The following RABGAP1L variants were observed in gnomAD, a reference collection of about 807,000 sequenced individuals.
RABGAP1L encodes the protein RAB GTPase activating protein 1 like, also known as rab GTPase-activating protein 1-like.
RABGAP1L carries 63 observed loss-of-function variants against 137.7 expected under a neutral mutation model. The ratio of observed to expected loss-of-function variants is 0.46; its 90% CI spans 0.37 to 0.56. RABGAP1L has a LOEUF of 0.56. Among genes scored for constraint, RABGAP1L ranks in the 20% least tolerant of loss-of-function variants. RABGAP1L has a pLI of 0.00. For missense variants in RABGAP1L, 1,095 were observed against 1,244.0 expected (o/e 0.88, Z 1.80); for synonymous variants, 431 against 433.7 (o/e 0.99, Z 0.08).
In RABGAP1L at chr1:174,670,055, A is replaced by G. The variant is rs761909833; in HGVS notation, c.1825-13467A>G. ...TTTTTATGGGGATTCCATTGAATAC[A>G]TGGGTCACTTTGGACTATATGGGCA... On this transcript the variant is annotated intron_variant, in intron 14 of 25. Coordinates refer to ENST00000681986, the MANE Select transcript of RABGAP1L (RefSeq NM_001366446.1). 5.6e-4 allele frequency among the ~76,000 whole-genome samples: 85 copies of G among 152,114 alleles called. 1 individual carries two copies. Among genetic ancestry groups the G allele is most frequent in the Admixed American group, 7.2e-4 (11 of 15,278 alleles).
At chr1:174,717,282 C>T (rs1681099361) in intron 17 of RABGAP1L, among the ~76,000 whole-genome samples, 1 of 151,992 alleles carries the variant, frequency 6.6e-6, no homozygotes, top group African/African-American at 2.4e-5. Flanking sequence ...ATGCTGGGCA[C>T]AACTGTACTC....
rs1304641626 is a variant in RABGAP1L at position 174,781,460 on chromosome 1, A to T, written c.2211+29106A>T. 3.3e-5 allele frequency among the ~76,000 whole-genome samples: 5 copies of T among 151,840 alleles called. No homozygotes were observed. In the East Asian group the frequency reaches 9.7e-4, roughly 29 times the overall value. On this transcript the variant is annotated intron_variant, in intron 18 of 25. Transcript: ENST00000681986. ...TGTTTGAGTTCTTTGTAGATTCTGG[A>T]TATTAGTCCTGTGTCAGATGAGTAG...
intron 19 of RABGAP1L, among the ~76,000 whole-genome samples, chr1:174,907,608 C>T (rs966596811): frequency 2.0e-5 from 3 of 152,184 alleles, no homozygotes; most frequent in Non-Finnish European, 4.4e-5. Context: ...AGCCACAACA[C>T]CTGGCCCCTA....
chr1:174,683,306 G>T (rs189358628), intron 14 of RABGAP1L, among the ~76,000 whole-genome samples: 1 of 152,060 alleles, frequency 6.6e-6, no homozygotes, highest in East Asian at 1.9e-4. Context: ...TTTTAAAGAT[G>T]AACCTGGGAT....
chr1:174,354,586 G>A (rs971010168), intron 11 of RABGAP1L, among the ~76,000 whole-genome samples: 1 of 152,116 alleles, frequency 6.6e-6, no homozygotes, highest in African/African-American at 2.4e-5. Flanking sequence ...GATTAAGAAA[G>A]CATTTTCCTC....
chr1:174,220,307 A>AT (rs1158104550), intron 2 of RABGAP1L, among the ~76,000 whole-genome samples: 5 of 152,028 alleles, frequency 3.3e-5, no homozygotes, highest in African/African-American at 1.2e-4. Context: ...AAATTTACCT[A>AT]TTTTTTCCTT....
Position 174,417,345 on chromosome 1 carries a change from A to G in RABGAP1L, c.1710+23200A>G, listed in dbSNP as rs375109884. 5.9e-5 allele frequency among the ~76,000 whole-genome samples: 9 copies of G among 152,344 alleles called. No homozygotes were observed. The South Asian group carries it at 1.0e-3, about 18-fold the overall frequency. On this transcript the variant is annotated intron_variant, in intron 13 of 25. Transcript: ENST00000681986. ...TATAGTTCAAGGTGCTAAATCTTAT[A>G]CAAATGATGCTGCATTACAGTCTAA...
intron 14 of RABGAP1L, among the ~76,000 whole-genome samples, chr1:174,639,192 TA>T (rs1674324525): frequency 6.6e-6 from 1 of 152,190 alleles, no homozygotes; most frequent in Non-Finnish European, 1.5e-5. Context: ...CTCTCTCTCA[TA>T]TTTTTTTATC....
intron 1 of RABGAP1L, among the ~76,000 whole-genome samples, chr1:174,180,396 A>G (rs544774452): frequency 2.6e-5 from 4 of 152,358 alleles, no homozygotes; most frequent in African/African-American, 9.6e-5. Context: ...GCATGTAATC[A>G]TGACAATTGG....
intron 13 of RABGAP1L, among the ~76,000 whole-genome samples, chr1:174,571,580 AAAAT>A (rs938225766): frequency 2.0e-5 from 3 of 152,108 alleles, no homozygotes; most frequent in African/African-American, 7.2e-5. Flanking sequence ...TAAAAATAAA[AAAAT>A]TTTTAAAATA....
chr1:174,305,838 C>T (rs1460318361), intron 11 of RABGAP1L, among the ~76,000 whole-genome samples: 2 of 151,588 alleles, frequency 1.3e-5, no homozygotes, highest in East Asian at 3.9e-4. Flanking sequence ...CATATGTATA[C>T]ATGTGCCATG....
chr1:174,865,657 C>T (rs1302112607), intron 19 of RABGAP1L, among the ~76,000 whole-genome samples: 1 of 151,982 alleles, frequency 6.6e-6, no homozygotes, highest in Non-Finnish European at 1.5e-5. Flanking sequence ...GCAATATTGC[C>T]AGGCACAGTA....
intron 13 of RABGAP1L, among the ~76,000 whole-genome samples, chr1:174,444,075 A>G (rs1048663606): frequency 2.6e-5 from 4 of 151,350 alleles, no homozygotes; most frequent in Non-Finnish European, 5.9e-5. Flanking sequence ...TTTGGTTACT[A>G]TAACTTTGTA....
chr1:174,362,821 TCTGTTGCAG>T (rs1362601130), intron 11 of RABGAP1L, among the ~76,000 whole-genome samples: 2 of 152,240 alleles, frequency 1.3e-5, no homozygotes, highest in African/African-American at 4.8e-5. Flanking sequence ...AATTTTTGCT[TCTGTTGCAG>T]TTGCTTTTGG....
At chr1:174,672,844 C>T (rs1278595094) in intron 14 of RABGAP1L, among the ~76,000 whole-genome samples, 2 of 152,070 alleles carry the variant, frequency 1.3e-5, no homozygotes, top group African/African-American at 2.4e-5. Context: ...TGCACTTAGA[C>T]ATCTTTCATG....
chr1:174,272,744 A>G (rs574399100), intron 8 of RABGAP1L, among the ~76,000 whole-genome samples: 1 of 151,994 alleles, frequency 6.6e-6, no homozygotes, highest in Non-Finnish European at 1.5e-5. Flanking sequence ...TCTTAGAAAG[A>G]TATCTTTTCT....
intron 13 of RABGAP1L, among the ~76,000 whole-genome samples, chr1:174,530,030 G>A (rs578226341): frequency 1.3e-5 from 2 of 152,154 alleles, no homozygotes; most frequent in East Asian, 2.0e-4. Flanking sequence ...GCCATGTTAC[G>A]CAGGAGTGGG....
At chr1:174,420,199 CTTTT>C (rs36019314) in intron 13 of RABGAP1L, among the ~76,000 whole-genome samples, 47 of 135,230 alleles carry the variant, frequency 3.5e-4, no homozygotes, top group Non-Finnish European at 6.8e-4. Context: ...GCCCAACCTC[CTTTT>C]TTTTTTTTTT....
intron 23 of RABGAP1L, among the ~76,000 whole-genome samples, chr1:174,980,364 G>A (rs931389885): frequency 2.0e-5 from 3 of 152,158 alleles, no homozygotes; most frequent in South Asian, 2.1e-4. Context: ...ACAAAAAGAT[G>A]AATGAATTCA....
Sources: allele counts gnomAD v4.1 joint callset (sites outside exome capture counted in the v4.1 genomes callset), GRCh38; gene constraint gnomAD v4.1.1; transcripts MANE v1.5; gene names NCBI Gene and HGNC (gene_info 2026-07-23, HGNC 2026-07-21).